The following UBTD1 variants were observed in gnomAD, a reference collection of about 807,000 sequenced individuals.
The protein encoded by UBTD1 is ubiquitin domain containing 1, also known as ubiquitin domain-containing protein 1.
A neutral mutation model predicts 21.7 loss-of-function variants in UBTD1; 19 were observed. The ratio of observed to expected loss-of-function variants is 0.87; its 90% CI spans 0.61 to 1.28. The LOEUF is 1.28. UBTD1 is among the 50% of genes most tolerant of loss of function. The pLI, the probability that UBTD1 is intolerant of heterozygous loss-of-function variation, is 0.00. For synonymous variants in UBTD1, 116 were observed against 135.1 expected (o/e 0.86, Z 0.98); for missense variants, 282 against 315.1 (o/e 0.89, Z 0.80).
chr10:97,502,921 T>TA lies in UBTD1; in HGVS notation c.70+3648_70+3649insA, dbSNP rs1564733959. 7.8e-4 allele frequency among the ~76,000 whole-genome samples: 79 copies of TA among 101,224 alleles called. 1 individual carries two copies. Among genetic ancestry groups the TA allele is most frequent in the Admixed American group, 5.0e-3 (51 of 10,282 alleles). The allele number at this position is 101,224 out of a possible 152,430, so 66.4% of individuals were successfully genotyped here. The stretch of plus-strand genomic sequence containing the variant: ...TGTGTGTATATATGTATATATATAT[T>TA]TTTTTTTTTTTGAGAGAGAGGGTCT... On this transcript the variant is annotated intron_variant, in intron 1 of 2. Transcript: ENST00000370664.
intron 1 of UBTD1, among the ~76,000 whole-genome samples, chr10:97,500,399 G>A (rs2040364849): frequency 6.6e-6 from 1 of 152,206 alleles, no homozygotes; most frequent in African/African-American, 2.4e-5. Context: ...ATGTCTGCAT[G>A]GTGGACAGGA....
intron 1 of UBTD1, among the ~76,000 whole-genome samples, chr10:97,552,380 A>G (rs2135681217): frequency 1.5e-5 from 2 of 136,884 alleles, no homozygotes; most frequent in Admixed American, 1.7e-4. Context: ...ACAAAAAATA[A>G]TAATTATACA....
intron 1 of UBTD1, among the ~76,000 whole-genome samples, chr10:97,539,343 C>T (rs1264477404): frequency 1.3e-5 from 2 of 152,184 alleles, no homozygotes; most frequent in African/African-American, 4.8e-5. Flanking sequence ...CCTGGAATCC[C>T]AGCCCTTTAG....
At chr10:97,530,874 A>T (rs917811710) in intron 1 of UBTD1, among the ~76,000 whole-genome samples, 6 of 151,816 alleles carry the variant, frequency 4.0e-5, no homozygotes, top group African/African-American at 1.4e-4. Flanking sequence ...TATTTTAAAA[A>T]TTTTTTAAAT....
intron 1 of UBTD1, among the ~76,000 whole-genome samples, chr10:97,506,742 A>T (rs533506318): frequency 6.6e-6 from 1 of 152,300 alleles, no homozygotes; most frequent in South Asian, 2.1e-4. Context: ...GATACCTCAT[A>T]TGAGTGGAAT....
chr10:97,528,243 G>C (rs1302168261), intron 1 of UBTD1, among the ~76,000 whole-genome samples: 11 of 106,528 alleles, frequency 1.0e-4, no homozygotes, highest in Middle Eastern at 6.4e-3. Flanking sequence ...TTCCCAGTAG[G>C]GGCGGCCGGG....
At chr10:97,518,341 C>A (rs115917279) in intron 1 of UBTD1, among the ~76,000 whole-genome samples, 1 of 152,174 alleles carries the variant, frequency 6.6e-6, no homozygotes, top group Non-Finnish European at 1.5e-5. Flanking sequence ...GGTTCTTTCT[C>A]CCTAGCTGCC....
At chr10:97,514,309 G>T (rs1290195813) in intron 1 of UBTD1, among the ~76,000 whole-genome samples, 1 of 152,106 alleles carries the variant, frequency 6.6e-6, no homozygotes, top group Non-Finnish European at 1.5e-5. Flanking sequence ...GGGGCTCAGA[G>T]AAATAATTTC....
intron 1 of UBTD1, among the ~76,000 whole-genome samples, chr10:97,547,231 T>G (rs527665354): frequency 1.2e-4 from 19 of 152,318 alleles, no homozygotes; most frequent in African/African-American, 4.6e-4. Flanking sequence ...TTACCAGCAG[T>G]GAGGGAGGTT....
chr10:97,517,979 A>G (rs1589869808), intron 1 of UBTD1, among the ~76,000 whole-genome samples: 1 of 152,134 alleles, frequency 6.6e-6, no homozygotes, highest in African/African-American at 2.4e-5. Context: ...TGGGGGACAG[A>G]CACACCCCAT....
intron 1 of UBTD1, among the ~76,000 whole-genome samples, chr10:97,563,289 ATGT>A (rs1412747845): frequency 6.6e-6 from 1 of 152,178 alleles, no homozygotes; most frequent in Non-Finnish European, 1.5e-5. Flanking sequence ...TGAGTTTTTT[ATGT>A]TGTCATATAC....
intron 1 of UBTD1, among the ~76,000 whole-genome samples, chr10:97,536,965 A>C: frequency 6.6e-6 from 1 of 151,980 alleles, no homozygotes. Flanking sequence ...ACCTTCGGAG[A>C]GGTACAGAGA....
intron 1 of UBTD1, among the ~76,000 whole-genome samples, chr10:97,522,251 C>T (rs1322123168): frequency 6.6e-6 from 1 of 152,256 alleles, no homozygotes; most frequent in Admixed American, 6.5e-5. Flanking sequence ...TTCAGCCAGA[C>T]TTTCTTTGGG....
intron 1 of UBTD1, among the ~76,000 whole-genome samples, chr10:97,542,694 C>G (rs781365565): frequency 1.3e-5 from 2 of 152,204 alleles, no homozygotes; most frequent in Non-Finnish European, 2.9e-5. Flanking sequence ...CTTGGCCGGT[C>G]GGCTTGCCCT....
chr10:97,499,395 T>TGCTCCGCAGCCAGAGGGGGCC (rs1418009135), intron 1 of UBTD1, 122 bp downstream of exon 1: 9 of 1,254,200 alleles, frequency 7.2e-6, no homozygotes, highest in East Asian at 2.9e-5. Flanking sequence ...CCCGATGGGC[T>TGCTCCGCAGCCAGAGGGGGCC]GCTCCGCAGC....
intron 1 of UBTD1, among the ~76,000 whole-genome samples, chr10:97,511,587 C>T (rs1226820683): frequency 6.6e-6 from 1 of 152,188 alleles, no homozygotes; most frequent in African/African-American, 2.4e-5. Context: ...TCCACCTCTT[C>T]CTACCTCCCA....
At chr10:97,549,299 G>C (rs2040625468) in intron 1 of UBTD1, among the ~76,000 whole-genome samples, 1 of 152,136 alleles carries the variant, frequency 6.6e-6, no homozygotes, top group Admixed American at 6.5e-5. Flanking sequence ...ATTCAGTGAG[G>C]CTTGTTCACA....
intron 1 of UBTD1, among the ~76,000 whole-genome samples, chr10:97,554,377 G>C (rs1231492778): frequency 6.7e-6 from 1 of 150,244 alleles, no homozygotes; most frequent in African/African-American, 2.4e-5. Flanking sequence ...CTCCATAATA[G>C]CTGGGATTAC....
intron 1 of UBTD1, among the ~76,000 whole-genome samples, chr10:97,560,995 G>A (rs570307195): frequency 1.3e-5 from 2 of 152,186 alleles, no homozygotes; most frequent in Middle Eastern, 3.4e-3. Context: ...ATGCAGGCAC[G>A]TCGTGGGTGA....
Sources: allele counts gnomAD v4.1 joint callset (sites outside exome capture counted in the v4.1 genomes callset), GRCh38; gene constraint gnomAD v4.1.1; transcripts MANE v1.5; gene names NCBI Gene and HGNC (gene_info 2026-07-23, HGNC 2026-07-21).